The following GDPD1 variants were observed in gnomAD, a reference collection of about 807,000 sequenced individuals.
GDPD1 encodes glycerophosphodiester phosphodiesterase domain containing 1, also known as lysophospholipase D GDPD1.
A neutral mutation model predicts 45.1 loss-of-function variants in GDPD1; 28 were observed. The ratio of observed to expected loss-of-function variants is 0.62; its 90% CI spans 0.46 to 0.85. The LOEUF (loss-of-function observed/expected upper bound fraction) is 0.85. Ranked by LOEUF, GDPD1 falls within the 40% of genes least tolerant of loss-of-function variation. The pLI is 0.00. For synonymous variants in GDPD1, 139 were observed against 131.4 expected, an observed-to-expected ratio of 1.06 and a Z score of -0.40; for missense variants, 256 against 364.8, an observed-to-expected ratio of 0.70 and a Z score of 2.43.
rs145111654 is a variant in GDPD1 at position 59,239,573 on chromosome 17, A to T, written c.185+5039A>T. On this transcript the variant is annotated intron_variant, in intron 2 of 9. Transcript: ENST00000284116. ...ATATCAAATTTGGGATAATTTTACT[A>T]GAATAATTTACAAGTTGTCCTAGAT... 5.3e-5 allele frequency among the ~76,000 whole-genome samples: 8 copies of T among 152,246 alleles called. No homozygotes were observed. In the East Asian group the frequency reaches 1.5e-3, roughly 29 times the overall value.
chr17:59,265,546 T>G (rs922074459), intron 6 of GDPD1, among the ~76,000 whole-genome samples: 3 of 149,316 alleles, frequency 2.0e-5, no homozygotes, highest in Non-Finnish European at 3.0e-5. Flanking sequence ...TATATATATA[T>G]CTATATATAG....
intron 4 of GDPD1, among the ~76,000 whole-genome samples, chr17:59,255,853 A>C (rs1411541618): frequency 1.2e-5 from 1 of 85,694 alleles, no homozygotes; most frequent in Non-Finnish European, 2.0e-5. Flanking sequence ...ATATATATAC[A>C]CACGTATATA....
intron 1 of GDPD1, among the ~76,000 whole-genome samples, chr17:59,223,995 C>A (rs887063726): frequency 6.6e-5 from 10 of 152,120 alleles, no homozygotes; most frequent in Admixed American, 2.6e-4. Flanking sequence ...CACTCTGTCA[C>A]CCAGGCTGGA....
intron 1 of GDPD1, 81 bp from the exon 2 acceptor site, chr17:59,234,411 T>G: frequency 1.2e-6 from 1 of 841,158 alleles, no homozygotes; most frequent in Non-Finnish European, 1.9e-6. Flanking sequence ...AGGTCAAGAT[T>G]CATTAGGTGT....
At chr17:59,244,185 T>G (rs2047194518) in intron 2 of GDPD1, among the ~76,000 whole-genome samples, 3 of 117,446 alleles carry the variant, frequency 2.6e-5, no homozygotes, top group Admixed American at 2.4e-4. Context: ...GTTTTATATG[T>G]TGGGATACTC....
At chr17:59,240,302 TAAG>T (rs2047166243) in intron 2 of GDPD1, among the ~76,000 whole-genome samples, 1 of 149,742 alleles carries the variant, frequency 6.7e-6, no homozygotes, top group Admixed American at 6.7e-5. Flanking sequence ...AAAAAAAAAA[TAAG>T]AAGTTTAAAA....
intron 4 of GDPD1, among the ~76,000 whole-genome samples, chr17:59,251,991 C>CAAAAAAAAAAAAAAAAAAAAAAA (rs34224346): frequency 3.3e-5 from 2 of 60,920 alleles, no homozygotes; most frequent in Non-Finnish European, 3.2e-5. Flanking sequence ...GACTCAGTCT[C>CAAAAAAAAAAAAAAAAAAAAAAA]AAAAAAAAAA....
rs915032160 is a variant in GDPD1 at position 59,275,862 on chromosome 17, G to A, written c.*2089G>A. The A allele has an allele frequency of 1.1e-4, 16 of 152,176 alleles. No individual in the cohort carries two copies. The highest frequency in any genetic ancestry group is 3.6e-4 in the African/African-American group (15 of 41,440). 9.4% of individuals were successfully genotyped at this position (152,176 alleles called of 1,614,324 possible). On this transcript the variant is annotated 3_prime_UTR_variant, in exon 10 of 10. Coordinates refer to ENST00000284116, the MANE Select transcript of GDPD1 (RefSeq NM_182569.4). ...AGATTACATCTCTCATTTGGAGTTT[G>A]GCAATGAAACTGCTATGAAGAATGA...
intron 6 of GDPD1, chr17:59,260,737 A>T (rs1312064392): frequency 1.3e-5 from 2 of 152,156 alleles, no homozygotes; most frequent in Non-Finnish European, 2.9e-5. Flanking sequence ...AAATACAAAG[A>T]ACTCTTTGGT....
intron 1 of GDPD1, among the ~76,000 whole-genome samples, chr17:59,223,977 C>A (rs1014007721): frequency 3.0e-4 from 45 of 152,146 alleles, no homozygotes; most frequent in African/African-American, 1.1e-3. Flanking sequence ...TTTTTTGAGA[C>A]AAGTTCTCAC....
At chr17:59,231,803 A>G (rs1391509522) in intron 1 of GDPD1, among the ~76,000 whole-genome samples, 2 of 152,018 alleles carry the variant, frequency 1.3e-5, no homozygotes, top group African/African-American at 4.8e-5. Context: ...TTTCATGCAT[A>G]AAATTATTTA....
At chr17:59,252,737 C>T (rs780170999) in intron 4 of GDPD1, among the ~76,000 whole-genome samples, 16 of 148,030 alleles carry the variant, frequency 1.1e-4, no homozygotes, top group South Asian at 6.4e-4. Context: ...CGGTGGCTCA[C>T]GCCTGTAATC....
intron 1 of GDPD1, among the ~76,000 whole-genome samples, chr17:59,226,153 T>G (rs2047045837): frequency 6.6e-6 from 1 of 152,230 alleles, no homozygotes; most frequent in African/African-American, 2.4e-5. Flanking sequence ...TTCTTTGCTC[T>G]TTGGTACAAG....
At position 59,248,802 on chromosome 17, in the gene GDPD1, G is replaced by C; in HGVS notation, c.367+17G>C. ...TTCAAAGAGGTAATATTTTTTGTTTGTGGCTTAAACATTTGTGTTGAGAAG... is the reference window on the plus strand; with the variant it reads ...TTCAAAGAGGTAATATTTTTTGTTTCTGGCTTAAACATTTGTGTTGAGAAG... On this transcript the variant is annotated intron_variant, in intron 4 of 9. Coordinates refer to ENST00000284116, the MANE Select transcript of GDPD1 (RefSeq NM_182569.4). 1 of 1,583,554 alleles carries C rather than the reference G, an allele frequency of 6.3e-7. No homozygotes were observed. Among genetic ancestry groups the C allele is most frequent in the South Asian group, 1.1e-5 (1 of 87,686 alleles).
intron 1 of GDPD1, among the ~76,000 whole-genome samples, chr17:59,233,605 A>G (rs2047109229): frequency 6.6e-6 from 1 of 152,110 alleles, no homozygotes; most frequent in Non-Finnish European, 1.5e-5. Flanking sequence ...GTTTTTAACA[A>G]CTGATATAGG....
At chr17:59,249,788 A>G (rs1369756349) in intron 4 of GDPD1, among the ~76,000 whole-genome samples, 1 of 152,248 alleles carries the variant, frequency 6.6e-6, no homozygotes, top group Non-Finnish European at 1.5e-5. Context: ...GTTACATATC[A>G]TGAATCTTGG....
intron 2 of GDPD1, among the ~76,000 whole-genome samples, chr17:59,242,511 A>C (rs1431110759): frequency 6.6e-6 from 1 of 152,214 alleles, no homozygotes; most frequent in Non-Finnish European, 1.5e-5. Flanking sequence ...CACTTATAAG[A>C]GGTAACTCCT....
At chr17:59,260,100 A>AAAAT in intron 6 of GDPD1, among the ~76,000 whole-genome samples, 1 of 136,328 alleles carries the variant, frequency 7.3e-6, no homozygotes, top group Non-Finnish European at 1.5e-5. Context: ...AAAAAAAAAA[A>AAAAT]TCCTATTATC....
At chr17:59,220,807 G>T in intron 1 of GDPD1, 56 bp downstream of exon 1, 1 of 1,584,418 alleles carries the variant, frequency 6.3e-7, no homozygotes, top group Admixed American at 1.8e-5. Context: ...AGGGTCCTTT[G>T]CGGCTCCGCA....
Sources: allele counts gnomAD v4.1 joint callset (sites outside exome capture counted in the v4.1 genomes callset), GRCh38; gene constraint gnomAD v4.1.1; transcripts MANE v1.5; gene names NCBI Gene and HGNC (gene_info 2026-07-23, HGNC 2026-07-21).